The following PDCD11 variants were observed in gnomAD, a reference collection of about 807,000 sequenced individuals.
PDCD11 encodes the protein protein RRP5 homolog.
A neutral mutation model predicts 198.9 loss-of-function variants in PDCD11; 97 were observed. The observed-to-expected ratio is 0.49, with a 90% CI of 0.41 to 0.58. The LOEUF (loss-of-function observed/expected upper bound fraction) is 0.58, where lower values mean the gene tolerates loss of function less well. Among genes scored for constraint, PDCD11 ranks in the 20% least tolerant of loss-of-function variants. The pLI is 0.00. For missense variants in PDCD11, 2,102 were observed against 2,312.7 expected, an observed-to-expected ratio of 0.91 and a Z score of 1.87; for synonymous variants, 893 against 918.0, an observed-to-expected ratio of 0.97 and a Z score of 0.49.
chr10:103,410,903 G>A (rs945694907), intron 8 of PDCD11, among the ~76,000 whole-genome samples: 7 of 151,252 alleles, frequency 4.6e-5, no homozygotes, highest in African/African-American at 1.2e-4. Flanking sequence ...GTGAAACCCC[G>A]TCTCTACTAA....
chr10:103,429,113 T>C lies in PDCD11; in HGVS notation c.3368+1722T>C, dbSNP rs370799865. On this transcript the variant is annotated intron_variant, in intron 21 of 35. Transcript: ENST00000369797. Reference sequence around the variant, plus strand: ...TTCCTCATTTCGTATGGGGATCTCGTTCACAAAGAGAATGCTGTCTGTTCT... The same window carrying C: ...TTCCTCATTTCGTATGGGGATCTCGCTCACAAAGAGAATGCTGTCTGTTCT... Among the ~76,000 whole-genome samples the C allele has an allele frequency of 1.1e-4, 16 of 152,322 alleles. No individual in the cohort carries two copies. In the East Asian group the frequency reaches 2.5e-3, roughly 24 times the overall value.
chr10:103,411,516 C>T (rs893167341), intron 8 of PDCD11, among the ~76,000 whole-genome samples: 1 of 152,050 alleles, frequency 6.6e-6, no homozygotes, highest in Non-Finnish European at 1.5e-5. Flanking sequence ...CGGATGCATG[C>T]CACCACGCCC....
In PDCD11 at chr10:103,415,159, TC is replaced by T; in HGVS notation, c.1518+10del. 6.2e-7 allele frequency: 1 copy of T among 1,613,384 alleles called. No homozygotes were observed. Among genetic ancestry groups the T allele is most frequent in the Non-Finnish European group, 8.5e-7 (1 of 1,179,920 alleles). On this transcript the variant is annotated intron_variant, in intron 12 of 35. Transcript: ENST00000369797. ...GATGAGGTCAAGTGCCGGGTGAGCC[TC>T]CTGAAGGGTCTCTTGGGGTTTTGGC... is the stretch of plus-strand genomic sequence containing the variant.
chr10:103,430,335 T>A (rs2031875659), intron 21 of PDCD11, among the ~76,000 whole-genome samples: 1 of 152,248 alleles, frequency 6.6e-6, no homozygotes, highest in Non-Finnish European at 1.5e-5. Context: ...ATTATAGGTA[T>A]ATGCCACATT....
intron 15 of PDCD11, 60 bp downstream of exon 15, chr10:103,418,694 G>A (rs2031257065): frequency 7.2e-7 from 1 of 1,382,688 alleles, no homozygotes; most frequent in Middle Eastern, 1.9e-4. Context: ...TGCTTGGATG[G>A]GAAATTCTGG....
chr10:103,409,716 TACGCTAA>T lies in PDCD11; in HGVS notation c.891_897del (p.Leu298SerfsTer28), dbSNP rs1388358324. 6.2e-7 allele frequency: 1 copy of T among 1,613,922 alleles called. No homozygotes were observed. The highest frequency in any genetic ancestry group is 8.5e-7 in the Non-Finnish European group (1 of 1,179,762). On this transcript the variant is annotated frameshift_variant, in exon 8 of 36. Transcript: ENST00000369797. LOFTEE classifies it high-confidence loss of function. ...ATTTCTAGGTGACTCCATTTGGCCT[TACGCTAA>T]ACTTCCTCACATTCTTCACGGGCGT...
At chr10:103,404,236 G>A (rs1217630656) in intron 4 of PDCD11, among the ~76,000 whole-genome samples, 2 of 151,578 alleles carry the variant, frequency 1.3e-5, no homozygotes, top group African/African-American at 4.9e-5. Flanking sequence ...TGATCCACCC[G>A]CCTCGGCCTC....
Position 103,444,656 on chromosome 10 carries a change from C to A in PDCD11, c.5418C>A (p.Ile1806=), listed in dbSNP as rs2032524527. 1 of 1,614,038 alleles carries A rather than the reference C, an allele frequency of 6.2e-7. No individual in the cohort carries two copies. The highest frequency in any genetic ancestry group is 8.5e-7 in the Non-Finnish European group (1 of 1,180,028). ...GGTCGGTCTATATCGACATGACCAT[C>A]AAGCACGGCAGCCAGAAGGACGTCC... ...DVWSVYIDMT[I]KHGSQKDVRD... is the part of the protein sequence containing the mutation. Residue 1806 remains isoleucine (I), a synonymous_variant, in exon 35 of 36, where the codon ATC becomes ATA. Coordinates refer to ENST00000369797, the MANE Select transcript of PDCD11 (RefSeq NM_014976.2).
At chr10:103,434,573 C>T in intron 24 of PDCD11, 2 of 589,930 alleles carry the variant, frequency 3.4e-6, no homozygotes, top group Middle Eastern at 4.5e-4. Flanking sequence ...CCCTTACCTA[C>T]ACAGGTGTTT....
At chr10:103,421,829 C>T (rs1452233936) in intron 17 of PDCD11, among the ~76,000 whole-genome samples, 6 of 150,438 alleles carry the variant, frequency 4.0e-5, no homozygotes, top group Non-Finnish European at 7.4e-5. Context: ...TAGCCGGGCG[C>T]GGTGGCGGGC....
intron 16 of PDCD11, among the ~76,000 whole-genome samples, chr10:103,420,435 A>C (rs2031357868): frequency 6.6e-6 from 1 of 151,678 alleles, no homozygotes; most frequent in African/African-American, 2.4e-5. Context: ...TACCTCCCCC[A>C]CCCCCATGTC....
intron 32 of PDCD11, 45 bp from the exon 33 acceptor site, chr10:103,443,120 C>T: frequency 6.6e-7 from 1 of 1,515,372 alleles, no homozygotes; most frequent in Non-Finnish European, 8.9e-7. Context: ...GCGGGAGGCT[C>T]ACTGGTTTCA....
At chr10:103,434,394 G>C in intron 24 of PDCD11, 44 bp downstream of exon 24, 11 of 1,247,222 alleles carry the variant, frequency 8.8e-6, no homozygotes, top group Non-Finnish European at 1.3e-5. Context: ...GGGAGCGGCA[G>C]GAAGGGGTGG....
Position 103,426,800 on chromosome 10 carries a change from A to C in PDCD11, c.3306-529A>C, listed in dbSNP as rs1340609993. Among the ~76,000 whole-genome samples, 4 of 151,668 alleles carry C rather than the reference A, an allele frequency of 2.6e-5. No homozygotes were observed. The East Asian group carries it at 7.8e-4, about 29-fold the overall frequency. On this transcript the variant is annotated intron_variant, in intron 20 of 35. Coordinates refer to ENST00000369797, the MANE Select transcript of PDCD11 (RefSeq NM_014976.2). ...GACTCCGTTTCAAAAAAAAAAAAAAAATCAGGTGAGGCTGGGTGTAGTGGC... is the reference window on the plus strand; with the variant it reads ...GACTCCGTTTCAAAAAAAAAAAAAACATCAGGTGAGGCTGGGTGTAGTGGC...
chr10:103,437,805 T>A (rs1195050737), intron 25 of PDCD11, among the ~76,000 whole-genome samples: 2 of 152,142 alleles, frequency 1.3e-5, no homozygotes, highest in African/African-American at 4.8e-5. Context: ...GTTATTTCTA[T>A]TTAATAGACT....
intron 7 of PDCD11, among the ~76,000 whole-genome samples, chr10:103,408,713 G>T (rs2030612232): frequency 6.6e-6 from 1 of 151,880 alleles, no homozygotes; most frequent in African/African-American, 2.4e-5. Context: ...GCTAATTTTT[G>T]TATTTTTGTA....
At chr10:103,415,530 G>A (rs993237769) in intron 12 of PDCD11, among the ~76,000 whole-genome samples, 2 of 152,216 alleles carry the variant, frequency 1.3e-5, no homozygotes, top group Non-Finnish European at 2.9e-5. Context: ...TTCTATGCTA[G>A]GCATGTGACA....
chr10:103,416,807 G>A lies in PDCD11; in HGVS notation c.1770+65G>A, dbSNP rs534442491. The A allele has an allele frequency of 6.4e-6, 10 of 1,564,632 alleles. No homozygotes were observed. In the African/African-American group the frequency reaches 1.2e-4, roughly 19 times the overall value. On this transcript the variant is annotated intron_variant, in intron 13 of 35. Coordinates refer to ENST00000369797, the MANE Select transcript of PDCD11 (RefSeq NM_014976.2). ...ACCCCACAAACACAAATATGAAGGA[G>A]CAGTAAGTAGTGGGGCTGCCTTTAG... is the stretch of plus-strand genomic sequence containing the variant.
Position 103,434,351 on chromosome 10 carries a change from G to T in PDCD11, c.3667+1G>T, listed in dbSNP as rs1274107407. On this transcript the variant is annotated splice_donor_variant, in intron 24 of 35. Coordinates refer to ENST00000369797, the MANE Select transcript of PDCD11 (RefSeq NM_014976.2). LOFTEE classifies it high-confidence loss of function. ...ACCCTCTTATGTCTGTCCCTCACAG[G>T]TGTGGGGATGAAACAGTGCCTGGTC... 6.3e-7 allele frequency: 1 copy of T among 1,581,930 alleles called. No individual in the cohort carries two copies. The highest frequency in any genetic ancestry group is 1.1e-5 in the South Asian group (1 of 90,278).
Sources: gnomAD v4.1 joint callset for allele counts (sites outside exome capture counted in the v4.1 genomes callset) on GRCh38, gnomAD v4.1.1 for gene constraint, MANE v1.5 for transcripts, NCBI Gene and HGNC (gene_info 2026-07-23, HGNC 2026-07-21) for gene names.